The following SPPL3 variants were observed in gnomAD, a reference collection of about 807,000 sequenced individuals.
The protein encoded by SPPL3 is signal peptide peptidase-like 3.
SPPL3 carries 5 observed loss-of-function variants against 42.4 expected under a neutral mutation model. The observed-to-expected ratio is 0.12, with a 90% CI of 0.06 to 0.25. SPPL3 has a LOEUF of 0.25. SPPL3 is among the 10% of genes least tolerant of loss of function. The pLI is 1.00. For synonymous variants in SPPL3, 195 were observed against 181.8 expected, an observed-to-expected ratio of 1.07 and a Z score of -0.58; for missense variants, 235 against 489.0, an observed-to-expected ratio of 0.48 and a Z score of 4.90.
At chr12:120,811,128 A>G (rs1870669213) in intron 1 of SPPL3, 2 of 346,408 alleles carry the variant, frequency 5.8e-6, no homozygotes, top group Non-Finnish European at 5.2e-6. Flanking sequence ...AAATGACATC[A>G]ATGTAAAAAT....
intron 1 of SPPL3, among the ~76,000 whole-genome samples, chr12:120,894,579 T>G (rs527255466): frequency 6.6e-6 from 1 of 152,062 alleles, no homozygotes; most frequent in East Asian, 1.9e-4. Flanking sequence ...AGGTCAAGAG[T>G]GAAGCCCAAG....
intron 1 of SPPL3, among the ~76,000 whole-genome samples, chr12:120,829,945 G>T (rs1592983723): frequency 1.3e-5 from 2 of 148,844 alleles, no homozygotes; most frequent in East Asian, 4.0e-4. Context: ...AGTGAGCTGA[G>T]ATCGCACCAT....
At chr12:120,780,902 C>T (rs987628210) in intron 6 of SPPL3, among the ~76,000 whole-genome samples, 2 of 152,022 alleles carry the variant, frequency 1.3e-5, no homozygotes, top group African/African-American at 4.8e-5. Context: ...AAAAGCGAAA[C>T]TCCCTCCCCC....
intron 1 of SPPL3, among the ~76,000 whole-genome samples, chr12:120,830,102 G>C (rs1258074294): frequency 4.7e-5 from 7 of 149,746 alleles, no homozygotes; most frequent in Non-Finnish European, 8.9e-5. Flanking sequence ...GCTGGTACTG[G>C]GGTGAAACTC....
At chr12:120,856,503 CTTTTT>C (rs35137934) in intron 1 of SPPL3, among the ~76,000 whole-genome samples, 1,383 of 89,180 alleles carry the variant, frequency 0.016, 10 homozygotes, top group Non-Finnish European at 0.019. Context: ...CAATTTTCAT[CTTTTT>C]TTTTTTTTTT....
At chr12:120,880,294 A>T (rs10849810) in intron 1 of SPPL3, among the ~76,000 whole-genome samples, 29,218 of 152,036 alleles carry the variant, frequency 0.19, 4,499 homozygotes, top group African/African-American at 0.4. Context: ...TCAAAAACAT[A>T]CAAATAAGAG....
intron 1 of SPPL3, among the ~76,000 whole-genome samples, chr12:120,871,885 T>C (rs1198665997): frequency 6.6e-6 from 1 of 152,254 alleles, no homozygotes; most frequent in African/African-American, 2.4e-5. Flanking sequence ...CAGTTGAATA[T>C]TCCTTATCTG....
intron 4 of SPPL3, among the ~76,000 whole-genome samples, chr12:120,783,956 G>A (rs940387919): frequency 3.3e-5 from 5 of 152,146 alleles, no homozygotes; most frequent in Non-Finnish European, 4.4e-5. Flanking sequence ...GCATAGGTAA[G>A]TTTCCTAAAA....
At chr12:120,888,289 T>G (rs1276049071) in intron 1 of SPPL3, among the ~76,000 whole-genome samples, 2 of 152,118 alleles carry the variant, frequency 1.3e-5, no homozygotes, top group East Asian at 3.9e-4. Context: ...TTGGCCAGGC[T>G]GGTCTCGAAC....
intron 2 of SPPL3, among the ~76,000 whole-genome samples, chr12:120,802,988 T>C (rs1592970310): frequency 1.3e-5 from 2 of 152,210 alleles, no homozygotes; most frequent in South Asian, 4.1e-4. Flanking sequence ...AAACACTTAT[T>C]TGAATGCCTA....
intron 2 of SPPL3, among the ~76,000 whole-genome samples, chr12:120,795,439 G>A (rs377701805): frequency 6.6e-6 from 1 of 152,192 alleles, no homozygotes; most frequent in African/African-American, 2.4e-5. Context: ...TTCCGGTAGT[G>A]TATGGTATGT....
At chr12:120,778,111 A>T (rs1403147245) in intron 6 of SPPL3, among the ~76,000 whole-genome samples, 7 of 90,948 alleles carry the variant, frequency 7.7e-5, no homozygotes, top group African/African-American at 2.6e-4. Flanking sequence ...CTGAAAAGCA[A>T]TTTTTTTTTT....
chr12:120,824,310 A>G (rs1011919446), intron 1 of SPPL3, among the ~76,000 whole-genome samples: 1 of 152,182 alleles, frequency 6.6e-6, no homozygotes, highest in Non-Finnish European at 1.5e-5. Flanking sequence ...AATAACACTA[A>G]AATTTTTTTT....
intron 1 of SPPL3, among the ~76,000 whole-genome samples, chr12:120,861,766 T>C (rs1339195243): frequency 6.6e-6 from 1 of 152,220 alleles, no homozygotes; most frequent in Non-Finnish European, 1.5e-5. Flanking sequence ...CAGGTTATCT[T>C]ATTCCTTGTT....
intron 6 of SPPL3, among the ~76,000 whole-genome samples, chr12:120,779,311 A>G (rs1170699265): frequency 1.3e-5 from 2 of 152,190 alleles, no homozygotes; most frequent in Non-Finnish European, 2.9e-5. Context: ...CCAGCCCCAG[A>G]GCTGCAGGGA....
intron 2 of SPPL3, among the ~76,000 whole-genome samples, 190 bp downstream of exon 2, chr12:120,810,619 T>C (rs568191761): frequency 1.3e-5 from 2 of 152,322 alleles, no homozygotes; most frequent in East Asian, 3.9e-4. Flanking sequence ...CATGCTAAAC[T>C]CATAAGCACA....
intron 1 of SPPL3, among the ~76,000 whole-genome samples, chr12:120,871,144 A>AAAAAAAAAAAAG (rs61249398): frequency 1.6e-4 from 23 of 142,198 alleles, no homozygotes; most frequent in African/African-American, 6.1e-4. Context: ...AAAAAAAAAA[A>AAAAAAAAAAAAG]AAAAAGAAAA....
intron 1 of SPPL3, among the ~76,000 whole-genome samples, chr12:120,883,424 T>C (rs1030964847): frequency 1.3e-5 from 2 of 152,214 alleles, no homozygotes; most frequent in African/African-American, 4.8e-5. Context: ...TAGGAGACTA[T>C]CTTCAAGACT....
intron 1 of SPPL3, among the ~76,000 whole-genome samples, chr12:120,815,282 T>C (rs1870830426): frequency 6.6e-6 from 1 of 152,250 alleles, no homozygotes. Context: ...GTGAGTATTG[T>C]CTAACTTTTG....
Sources: allele counts gnomAD v4.1 joint callset (sites outside exome capture counted in the v4.1 genomes callset), GRCh38; gene constraint gnomAD v4.1.1; transcripts MANE v1.5; gene names NCBI Gene and HGNC (gene_info 2026-07-23, HGNC 2026-07-21).